The following MAPT variants were observed in gnomAD, a reference collection of about 807,000 sequenced individuals.
MAPT encodes microtubule associated protein tau, also known as microtubule-associated protein tau.
A neutral mutation model predicts 67.9 loss-of-function variants in MAPT; 34 were observed. That is an observed-to-expected ratio of 0.50 (90% CI 0.38 to 0.67). The LOEUF is 0.67. Ranked by LOEUF, MAPT falls within the 30% of genes least tolerant of loss-of-function variation. The pLI, the probability that MAPT is intolerant of heterozygous loss-of-function variation, is 0.00. For missense variants in MAPT, 881 were observed against 1,115.2 expected, an observed-to-expected ratio of 0.79 and a Z score of 2.99; for synonymous variants, 456 against 464.5, an observed-to-expected ratio of 0.98 and a Z score of 0.23.
At chr17:45,923,265 C>A (rs1568170340) in intron 1 of MAPT, among the ~76,000 whole-genome samples, 1 of 152,184 alleles carries the variant, frequency 6.6e-6, no homozygotes, top group African/African-American at 2.4e-5. Context: ...GACAAAACCC[C>A]TGCCTTCCAG....
chr17:46,017,507 G>A (rs1478403001), intron 11 of MAPT, among the ~76,000 whole-genome samples: 2 of 128,810 alleles, frequency 1.6e-5, no homozygotes, highest in African/African-American at 6.1e-5. Context: ...AGGCTGGAAT[G>A]TAATGGCACA....
intron 1 of MAPT, among the ~76,000 whole-genome samples, chr17:45,938,853 A>C (rs1302239042): frequency 7.3e-6 from 1 of 136,752 alleles, no homozygotes; most frequent in Non-Finnish European, 1.5e-5. Flanking sequence ...TCACTCAGTC[A>C]CCCAGGCTGG....
At position 46,010,540 on chromosome 17, in the gene MAPT, A is replaced by G. The variant is rs989124384; in HGVS notation, c.2091+138A>G. On this transcript the variant is annotated intron_variant, in intron 10 of 12. Transcript: ENST00000262410. This position sits in a 1 kb window ranked among gnomAD's most constrained non-coding sequence, Gnocchi z 4.7. ...AGGATCTGGCTGCGACCTCTGGGTG[A>G]ATGTAGCCCGGCTCCCCACATTCCC... The G allele has an allele frequency of 5.5e-5, 40 of 723,306 alleles. No individual in the cohort carries two copies. Among genetic ancestry groups the G allele is most frequent in the African/African-American group, 5.4e-4 (31 of 57,506 alleles). The allele number at this position is 723,306 out of a possible 1,614,324, so 44.8% of individuals were successfully genotyped here. A position where few individuals can be genotyped will look rare whatever the true frequency, so the allele number is the denominator to read the frequency against.
At chr17:45,993,984 G>A (rs765556036) in intron 8 of MAPT, 30 of 1,565,786 alleles carry the variant, frequency 1.9e-5, no homozygotes, top group South Asian at 8.2e-5. Context: ...AGAGGTACTC[G>A]GGAGCCTACT....
At chr17:45,902,519 G>T (rs1165830456) in intron 1 of MAPT, among the ~76,000 whole-genome samples, 2 of 152,206 alleles carry the variant, frequency 1.3e-5, no homozygotes, top group Non-Finnish European at 1.5e-5. Flanking sequence ...CCCCAGCCTT[G>T]CATGTTTACA....
chr17:45,952,975 T>C (rs1598121652), intron 1 of MAPT, among the ~76,000 whole-genome samples: 2 of 151,266 alleles, frequency 1.3e-5, no homozygotes. Context: ...GGCAGGTAAC[T>C]TCCCAGACTC....
chr17:45,949,825 T>C (rs2068880167), intron 1 of MAPT, among the ~76,000 whole-genome samples: 1 of 152,140 alleles, frequency 6.6e-6, no homozygotes, highest in Admixed American at 6.5e-5. Context: ...GGAAGGATGG[T>C]GGCAGGTGGA....
chr17:45,983,252 A>G lies in MAPT; in HGVS notation c.673A>G (p.Met225Val), dbSNP rs1277392001. The change falls in exon 5 of 13, where the codon ATG becomes GTG. Residue 225 changes from methionine (M) to valine (V), a missense_variant. Coordinates refer to ENST00000262410, the MANE Select transcript of MAPT (RefSeq NM_001377265.1). The part of the protein sequence containing the change: ...PGPPGLSHQL[M>V]SGMPGAPLLP... ...CCCCCCAGGTCTGAGCCACCAGCTC[A>G]TGTCCGGCATGCCTGGGGCTCCCCT... The G allele has an allele frequency of 1.2e-6, 2 of 1,600,374 alleles. No homozygotes were observed. Among genetic ancestry groups the G allele is most frequent in the African/African-American group, 1.3e-5 (1 of 74,524 alleles).
At chr17:46,008,451 A>G (rs2075599698) in intron 9 of MAPT, among the ~76,000 whole-genome samples, 1 of 152,202 alleles carries the variant, frequency 6.6e-6, no homozygotes, top group African/African-American at 2.4e-5. Flanking sequence ...TCTACCAAGT[A>G]TAGGTATACA....
intron 1 of MAPT, among the ~76,000 whole-genome samples, chr17:45,914,097 C>T (rs537690668): frequency 4.2e-5 from 6 of 142,890 alleles, no homozygotes; most frequent in African/African-American, 1.2e-4. Flanking sequence ...TGATCTCCCT[C>T]ATAATAAAAA....
intron 1 of MAPT, among the ~76,000 whole-genome samples, chr17:45,914,724 T>C (rs2065052817): frequency 2.1e-5 from 2 of 96,250 alleles, no homozygotes; most frequent in South Asian, 5.3e-4. Flanking sequence ...ACTTTTTACC[T>C]TTTTTTTTTT....
intron 9 of MAPT, among the ~76,000 whole-genome samples, chr17:45,998,349 C>T (rs2074686937): frequency 1.3e-5 from 2 of 152,254 alleles, no homozygotes; most frequent in South Asian, 4.1e-4. Context: ...ATGTGTAGAC[C>T]CTGCCTCTGT....
chr17:45,956,569 TATATATATATATATATATATATATATA>T (rs1177963375), intron 1 of MAPT, among the ~76,000 whole-genome samples: 5,674 of 59,348 alleles, frequency 0.096, 307 homozygotes, highest in East Asian at 0.38. Context: ...TATATATATA[TATATATATATATATATATATATATATA>T]TATATTTTTT....
In MAPT at chr17:45,971,546, G is replaced by A. The variant is rs1446125290; in HGVS notation, c.134-313G>A. Reference sequence around the variant, plus strand: ...GGCTTTCTGGTATTTGCTGCCCGTTGACCAATGGAAGATAAACCTTTGCCT... The same window carrying A: ...GGCTTTCTGGTATTTGCTGCCCGTTAACCAATGGAAGATAAACCTTTGCCT... On this transcript the variant is annotated intron_variant, in intron 2 of 12. Transcript: ENST00000262410. The surrounding 1 kb of genome is among the most constrained non-coding windows in gnomAD (Gnocchi z 4.3). Among the ~76,000 whole-genome samples, 1 of 151,370 alleles carries A rather than the reference G, an allele frequency of 6.6e-6. No homozygotes were observed. The highest frequency in any genetic ancestry group is 2.4e-5 in the African/African-American group (1 of 41,408).
chr17:46,000,363 G>T (rs1370726061), intron 9 of MAPT, among the ~76,000 whole-genome samples: 1 of 152,256 alleles, frequency 6.6e-6, no homozygotes, highest in East Asian at 1.9e-4. Flanking sequence ...GGCCCCAAAT[G>T]GAATTATTTT....
Position 46,010,430 on chromosome 17 carries a change from C to T in MAPT, c.2091+28C>T, listed in dbSNP as rs1364845993. The T allele has an allele frequency of 1.4e-6, 2 of 1,459,872 alleles. No homozygotes were observed. The highest frequency in any genetic ancestry group is 1.2e-5 in the South Asian group (1 of 82,424). The allele number at this position is 1,459,872 out of a possible 1,614,324, so 90.4% of individuals were successfully genotyped here. A position where few individuals can be genotyped will look rare whatever the true frequency, so the allele number is the denominator to read the frequency against. The stretch of plus-strand genomic sequence containing the variant: ...GAGTACCTTCACACGTCCCATGCGC[C>T]GTGCTGTGGCTTGAATTATTAGGAA... On this transcript the variant is annotated intron_variant, in intron 10 of 12. Coordinates refer to ENST00000262410, the MANE Select transcript of MAPT (RefSeq NM_001377265.1). This position sits in a 1 kb window ranked among gnomAD's most constrained non-coding sequence, Gnocchi z 4.7.
chr17:45,924,529 C>A (rs1444212757), intron 1 of MAPT, among the ~76,000 whole-genome samples: 1 of 152,228 alleles, frequency 6.6e-6, no homozygotes, highest in Non-Finnish European at 1.5e-5. Context: ...GGGAAGAAAG[C>A]CAGCTTCTCC....
chr17:45,940,041 A>C (rs1314978037), intron 1 of MAPT, among the ~76,000 whole-genome samples: 1 of 152,184 alleles, frequency 6.6e-6, no homozygotes, highest in Non-Finnish European at 1.5e-5. Context: ...CTAGAATTGT[A>C]CTGGGGACTC....
At chr17:45,929,605 G>T (rs1188741924) in intron 1 of MAPT, among the ~76,000 whole-genome samples, 3 of 152,208 alleles carry the variant, frequency 2.0e-5, no homozygotes, top group East Asian at 1.9e-4. Context: ...CGCCAGGCTT[G>T]TGTCCTGTTT....
Sources: gnomAD v4.1 joint callset for allele counts (sites outside exome capture counted in the v4.1 genomes callset) on GRCh38, gnomAD v4.1.1 for gene constraint, Gnocchi (gnomAD v3.1) non-coding constraint, MANE v1.5 for transcripts, NCBI Gene and HGNC (gene_info 2026-07-23, HGNC 2026-07-21) for gene names.